Variants in NPSR1 observed in about 807,000 individuals in gnomAD.
The protein encoded by NPSR1 is neuropeptide S receptor 1, also known as neuropeptide S receptor.
NPSR1 carries 48 observed loss-of-function variants against 46.9 expected under a neutral mutation model. The observed-to-expected ratio is 1.02, with a 90% CI of 0.81 to 1.30. The LOEUF is 1.30. Among genes scored for constraint, NPSR1 ranks in the 50% most tolerant of loss-of-function variants. The probability of loss-of-function intolerance (pLI) is 0.00; values close to 1 mark genes in which losing one functional copy is unlikely to be tolerated. For missense variants in NPSR1, 450 were observed against 449.5 expected (o/e 1.00, Z -0.01); for synonymous variants, 176 against 168.1 (o/e 1.05, Z -0.36).
intron 2 of NPSR1, among the ~76,000 whole-genome samples, chr7:34,711,857 C>T (rs943307070): frequency 2.6e-5 from 4 of 152,238 alleles, no homozygotes; most frequent in Non-Finnish European, 4.4e-5. Context: ...GACCCTATAG[C>T]AGCACTTCTC....
Position 34,658,229 on chromosome 7 carries a change from A to G in NPSR1, c.-184A>G. The G allele has an allele frequency of 1.6e-6, 1 of 618,708 alleles. No homozygotes were observed. The highest frequency in any genetic ancestry group is 2.8e-6 in the Non-Finnish European group (1 of 358,584). 38.3% of individuals were successfully genotyped at this position (618,708 alleles called of 1,614,324 possible). ...GCTGGCTACCTGGTGGTAATTGCCA[A>G]GGAGAGAGCAGCACGTAGATCCTCC... On this transcript the variant is annotated 5_prime_UTR_variant, in exon 1 of 9. Coordinates refer to ENST00000360581, the MANE Select transcript of NPSR1 (RefSeq NM_207172.2).
intron 4 of NPSR1, among the ~76,000 whole-genome samples, chr7:34,815,221 C>T (rs888613290): frequency 6.6e-6 from 1 of 152,078 alleles, no homozygotes; most frequent in Non-Finnish European, 1.5e-5. Context: ...GTAGAGAAGA[C>T]CTTAAATGAC....
At chr7:34,763,400 G>A (rs2128729944) in intron 2 of NPSR1, among the ~76,000 whole-genome samples, 1 of 152,290 alleles carries the variant, frequency 6.6e-6, no homozygotes, top group South Asian at 2.1e-4. Flanking sequence ...TCATTTAATG[G>A]AAATTTACCA....
intron 2 of NPSR1, among the ~76,000 whole-genome samples, chr7:34,712,156 T>C (rs1783323114): frequency 6.6e-6 from 1 of 152,218 alleles, no homozygotes. Flanking sequence ...GATCAGGGAC[T>C]GGATTTGTTT....
At chr7:34,751,644 C>A in intron 2 of NPSR1, 1 of 1,598,578 alleles carries the variant, frequency 6.3e-7, no homozygotes, top group Non-Finnish European at 8.6e-7. Flanking sequence ...AGTGGACCAG[C>A]TGCTGCAGAG....
At chr7:34,797,507 T>C (rs940966057) in intron 3 of NPSR1, among the ~76,000 whole-genome samples, 3 of 152,056 alleles carry the variant, frequency 2.0e-5, no homozygotes, top group African/African-American at 7.2e-5. Context: ...AAATCTACTT[T>C]TAAACATGTA....
intron 4 of NPSR1, among the ~76,000 whole-genome samples, chr7:34,814,019 T>C (rs961009123): frequency 6.6e-6 from 1 of 152,196 alleles, no homozygotes; most frequent in Admixed American, 6.5e-5. Flanking sequence ...ATTTCTGCAT[T>C]TCCAACTGAG....
rs1446013145 is a variant in NPSR1, at chr7:34,834,635, A to C, written c.757+175A>C. Among the ~76,000 whole-genome samples the C allele has an allele frequency of 2.6e-5, 4 of 152,078 alleles. No homozygotes were observed. In the East Asian group the frequency reaches 7.7e-4, roughly 29 times the overall value. On this transcript the variant is annotated intron_variant, in intron 6 of 8. Transcript: ENST00000360581. The stretch of plus-strand genomic sequence containing the variant: ...TCACAGGCGGGCTCTGTCTTCCCCC[A>C]TGTGACCTCCCTGAAATCTAGGAGA...
At chr7:34,873,560 T>A (rs560364737) in intron 8 of NPSR1, among the ~76,000 whole-genome samples, 1 of 151,630 alleles carries the variant, frequency 6.6e-6, no homozygotes, top group Non-Finnish European at 1.5e-5. Context: ...ATGTGTCACA[T>A]GGTCAGAGCA....
Position 34,684,558 on chromosome 7 carries a change from C to A in NPSR1, c.154C>A (p.Gln52Lys). Residue 52 changes from glutamine to lysine, a missense_variant, in exon 2 of 9, where the codon CAA (glutamine) becomes AAA (lysine). Coordinates refer to ENST00000360581, the MANE Select transcript of NPSR1 (RefSeq NM_207172.2). ...GSFYYSFKTE[Q>K]LITLWVLFVF... is the part of the protein sequence containing the mutation. ...TTTTCTCTGTTTCTTGCAGACTGAG[C>A]AATTGATAACTCTGTGGGTCCTCTT... 1 of 1,613,164 alleles carries A rather than the reference C, an allele frequency of 6.2e-7. No individual in the cohort carries two copies. The highest frequency in any genetic ancestry group is 8.5e-7 in the Non-Finnish European group (1 of 1,179,614).
intron 1 of NPSR1, among the ~76,000 whole-genome samples, chr7:34,663,340 T>C (rs573057940): frequency 2.0e-5 from 3 of 152,170 alleles, no homozygotes; most frequent in East Asian, 3.9e-4. Context: ...ATCCCAGCGA[T>C]AATTTCTGCC....
intron 2 of NPSR1, among the ~76,000 whole-genome samples, chr7:34,696,990 C>T (rs2128693424): frequency 6.6e-6 from 1 of 152,010 alleles, no homozygotes; most frequent in Middle Eastern, 3.4e-3. Context: ...TTTAAGGATA[C>T]ATACCAAAAT....
At chr7:34,682,235 C>G (rs552057530) in intron 1 of NPSR1, among the ~76,000 whole-genome samples, 1 of 152,180 alleles carries the variant, frequency 6.6e-6, no homozygotes. Context: ...TGGCCCAGAA[C>G]CTGTGTCACA....
intron 2 of NPSR1, among the ~76,000 whole-genome samples, chr7:34,686,485 C>A (rs1792934267): frequency 6.6e-6 from 1 of 152,060 alleles, no homozygotes; most frequent in African/African-American, 2.4e-5. Flanking sequence ...ATAGAAGTTA[C>A]CCAGGCATCA....
intron 2 of NPSR1, among the ~76,000 whole-genome samples, chr7:34,688,227 G>A (rs1310187313): frequency 6.6e-6 from 1 of 152,076 alleles, no homozygotes; most frequent in Non-Finnish European, 1.5e-5. Context: ...GGAGGAAGAA[G>A]GCATTATCCC....
chr7:34,737,955 G>A (rs1784758960), intron 2 of NPSR1, among the ~76,000 whole-genome samples: 1 of 152,128 alleles, frequency 6.6e-6, no homozygotes, highest in Non-Finnish European at 1.5e-5. Context: ...CCCACCACCG[G>A]AATGGAAACT....
intron 2 of NPSR1, among the ~76,000 whole-genome samples, chr7:34,703,269 G>C (rs1793932518): frequency 6.6e-6 from 1 of 152,236 alleles, no homozygotes; most frequent in Non-Finnish European, 1.5e-5. Flanking sequence ...TACTCCAGAG[G>C]CTGAGGCGGG....
intron 1 of NPSR1, among the ~76,000 whole-genome samples, chr7:34,661,094 G>A (rs1163937367): frequency 6.6e-6 from 1 of 152,190 alleles, no homozygotes; most frequent in African/African-American, 2.4e-5. Context: ...ATTGTGATGT[G>A]TTTTTTCTTC....
intron 1 of NPSR1, among the ~76,000 whole-genome samples, chr7:34,683,044 G>C (rs1023611488): frequency 1.3e-5 from 2 of 152,100 alleles, no homozygotes; most frequent in Non-Finnish European, 2.9e-5. Context: ...GCAGTTCCAA[G>C]GCCCTGACCT....
Sources: allele counts gnomAD v4.1 joint callset (sites outside exome capture counted in the v4.1 genomes callset), GRCh38; gene constraint gnomAD v4.1.1; transcripts MANE v1.5; gene names NCBI Gene and HGNC (gene_info 2026-07-23, HGNC 2026-07-21).